Variants in SH3RF1 observed in about 807,000 individuals in gnomAD.
SH3RF1 encodes E3 ubiquitin-protein ligase SH3RF1.
A neutral mutation model predicts 74.0 loss-of-function variants in SH3RF1; 32 were observed. The observed-to-expected ratio is 0.43, with a 90% CI of 0.33 to 0.58. The LOEUF (loss-of-function observed/expected upper bound fraction) is 0.58. SH3RF1 is among the 20% of genes least tolerant of loss of function. The pLI, the probability that SH3RF1 is intolerant of heterozygous loss-of-function variation, is 0.05. For missense variants in SH3RF1, 954 were observed against 1,130.9 expected (o/e 0.84, Z 2.24); for synonymous variants, 396 against 439.6 (o/e 0.90, Z 1.24).
At chr4:169,134,328 C>T (rs1359162375) in intron 5 of SH3RF1, among the ~76,000 whole-genome samples, 1 of 152,222 alleles carries the variant, frequency 6.6e-6, no homozygotes, top group Non-Finnish European at 1.5e-5. Context: ...TCATTCCCAG[C>T]TCTGGTGTGG....
chr4:169,153,055 T>C (rs998169595), intron 4 of SH3RF1, among the ~76,000 whole-genome samples: 1 of 152,212 alleles, frequency 6.6e-6, no homozygotes, highest in African/African-American at 2.4e-5. Flanking sequence ...CCGTGCAGAC[T>C]TTCTGCCCTA....
At chr4:169,119,278 ATTTTT>A (rs11397253) in intron 8 of SH3RF1, among the ~76,000 whole-genome samples, 3 of 66,410 alleles carry the variant, frequency 4.5e-5, no homozygotes, top group African/African-American at 5.9e-5. Context: ...TAATTTTTGT[ATTTTT>A]TTTTTTTTTT....
chr4:169,147,226 A>C (rs930228700), intron 4 of SH3RF1, among the ~76,000 whole-genome samples: 1 of 152,250 alleles, frequency 6.6e-6, no homozygotes, highest in East Asian at 1.9e-4. Context: ...CTGTTAGCCA[A>C]AAGTATCATT....
intron 10 of SH3RF1, among the ~76,000 whole-genome samples, chr4:169,113,608 G>A (rs1318792422): frequency 6.6e-6 from 1 of 152,174 alleles, no homozygotes; most frequent in Non-Finnish European, 1.5e-5. Context: ...TAAAAGGCAG[G>A]TGAATCTCAA....
chr4:169,214,123 G>A (rs1472282288), intron 2 of SH3RF1, among the ~76,000 whole-genome samples: 1 of 152,160 alleles, frequency 6.6e-6, no homozygotes, highest in Non-Finnish European at 1.5e-5. Flanking sequence ...GGCCTCGAGG[G>A]AAGTGTTTGG....
chr4:169,255,347 T>C (rs2110751145), intron 2 of SH3RF1, among the ~76,000 whole-genome samples: 1 of 152,330 alleles, frequency 6.6e-6, no homozygotes, highest in Non-Finnish European at 1.5e-5. Flanking sequence ...AATGCATCAG[T>C]AAAGTACATA....
At chr4:169,180,692 T>C (rs1193877518) in intron 2 of SH3RF1, among the ~76,000 whole-genome samples, 1 of 152,184 alleles carries the variant, frequency 6.6e-6, no homozygotes, top group Admixed American at 6.5e-5. Flanking sequence ...AAGCACTTCA[T>C]AGACACTGTG....
At chr4:169,252,719 A>G (rs1731126175) in intron 2 of SH3RF1, among the ~76,000 whole-genome samples, 1 of 152,258 alleles carries the variant, frequency 6.6e-6, no homozygotes, top group Non-Finnish European at 1.5e-5. Context: ...GTTCAGGGAC[A>G]GAGAATAAAT....
rs1732931688 is a variant in SH3RF1, at chr4:169,096,430, G to A, written c.*89C>T. On this transcript the variant is annotated 3_prime_UTR_variant, in exon 12 of 12. Transcript: ENST00000284637. ...TCCTTTGCTCATCTCCTGACCATCTGGAAGTCCACAAATGTGCTCTTTCTG... is the reference window on the plus strand; with the variant it reads ...TCCTTTGCTCATCTCCTGACCATCTAGAAGTCCACAAATGTGCTCTTTCTG... The A allele has an allele frequency of 1.4e-6, 2 of 1,405,440 alleles. No individual in the cohort carries two copies. Among genetic ancestry groups the A allele is most frequent in the East Asian group, 2.3e-5 (1 of 43,818 alleles). The allele number at this position is 1,405,440 out of a possible 1,614,324, so 87.1% of individuals were successfully genotyped here. A position where few individuals can be genotyped will look rare whatever the true frequency, so the allele number is the denominator to read the frequency against.
chr4:169,115,203 T>C (rs1314801309), intron 10 of SH3RF1, among the ~76,000 whole-genome samples: 2 of 152,184 alleles, frequency 1.3e-5, no homozygotes, highest in African/African-American at 4.8e-5. Flanking sequence ...TAATGTTTCC[T>C]TATATTTCAA....
intron 2 of SH3RF1, among the ~76,000 whole-genome samples, chr4:169,224,385 T>C (rs1373546762): frequency 6.6e-6 from 1 of 151,974 alleles, no homozygotes; most frequent in Non-Finnish European, 1.5e-5. Flanking sequence ...TGGTGCGATC[T>C]TGGCTCACTG....
chr4:169,185,763 G>C (rs1216810716), intron 2 of SH3RF1, among the ~76,000 whole-genome samples: 1 of 152,114 alleles, frequency 6.6e-6, no homozygotes, highest in Non-Finnish European at 1.5e-5. Flanking sequence ...GCTAATAACA[G>C]CTTTGGGTAA....
At chr4:169,113,708 TTAAG>T (rs1733282866) in intron 10 of SH3RF1, among the ~76,000 whole-genome samples, 1 of 152,072 alleles carries the variant, frequency 6.6e-6, no homozygotes, top group African/African-American at 2.4e-5. Context: ...AGATTCATGA[TTAAG>T]TGACAACAAT....
intron 2 of SH3RF1, among the ~76,000 whole-genome samples, chr4:169,248,715 T>C (rs940713464): frequency 2.0e-5 from 3 of 152,190 alleles, no homozygotes; most frequent in Non-Finnish European, 4.4e-5. Context: ...CAGTCCAGTT[T>C]CCCAATCTGG....
rs1385042095 is a variant in SH3RF1 at position 169,154,462 on chromosome 4, G to A, written c.765+1018C>T. 4.6e-5 allele frequency among the ~76,000 whole-genome samples: 7 copies of A among 152,144 alleles called. No homozygotes were observed. The East Asian group carries it at 1.2e-3, about 25-fold the overall frequency. On this transcript the variant is annotated intron_variant, in intron 4 of 11. Transcript: ENST00000284637. ...CAGATAAAAAGACTGCAAAATAAGT[G>A]ACAGTGGTTTTTCAGTTTTACATGC...
chr4:169,239,228 T>C (rs950411809), intron 2 of SH3RF1, among the ~76,000 whole-genome samples: 2 of 152,194 alleles, frequency 1.3e-5, no homozygotes, highest in African/African-American at 4.8e-5. Flanking sequence ...AGACTGGTTA[T>C]AAATCTACCT....
intron 4 of SH3RF1, among the ~76,000 whole-genome samples, chr4:169,142,328 T>C (rs1352873234): frequency 1.3e-5 from 2 of 152,248 alleles, no homozygotes; most frequent in Non-Finnish European, 2.9e-5. Context: ...TATTTATGTC[T>C]ATTAAATTAA....
At chr4:169,199,511 C>T (rs1734874316) in intron 2 of SH3RF1, among the ~76,000 whole-genome samples, 2 of 152,012 alleles carry the variant, frequency 1.3e-5, no homozygotes, top group Admixed American at 1.3e-4. Context: ...AGCCTTGGCC[C>T]CAACATGGTA....
At chr4:169,249,936 A>AT (rs1579162688) in intron 2 of SH3RF1, among the ~76,000 whole-genome samples, 2 of 152,132 alleles carry the variant, frequency 1.3e-5, no homozygotes, top group East Asian at 3.8e-4. Context: ...GGCCCACAAT[A>AT]TGGTTGTATT....
Sources: gnomAD v4.1 joint callset for allele counts (sites outside exome capture counted in the v4.1 genomes callset) on GRCh38, gnomAD v4.1.1 for gene constraint, MANE v1.5 for transcripts, NCBI Gene and HGNC (gene_info 2026-07-23, HGNC 2026-07-21) for gene names.